The following ACP7 variants were observed in gnomAD, a reference collection of about 807,000 sequenced individuals.
The protein encoded by ACP7 is acid phosphatase 7, tartrate resistant (putative), also known as acid phosphatase type 7.
In ACP7, 58 loss-of-function variants were observed where a neutral mutation model predicts 60.6. That is an observed-to-expected ratio of 0.96 (90% confidence interval 0.77 to 1.19). The LOEUF is 1.19. Ranked by LOEUF, ACP7 falls within the 50% of genes most tolerant of loss-of-function variation. The pLI is 0.00. For synonymous variants in ACP7, 237 were observed against 232.6 expected (o/e 1.02, Z -0.17); for missense variants, 574 against 596.2 (o/e 0.96, Z 0.39).
chr19:39,101,008 G>C lies in ACP7; in HGVS notation c.867G>C (p.Met289Ile). 1 of 1,613,914 alleles carries C rather than the reference G, an allele frequency of 6.2e-7. No individual in the cohort carries two copies. Among genetic ancestry groups the C allele is most frequent in the Non-Finnish European group, 8.5e-7 (1 of 1,180,004 alleles). ...TCATCACTATGGGGCACCGGCCCAT[G>C]TACTGCTCCAACGCAGATCTGGACG... Reference protein sequence around the residue: ...PWIITMGHRPMYCSNADLDDC... With the variant: ...PWIITMGHRPIYCSNADLDDC... The change falls in exon 8 of 13, where the codon ATG becomes ATC. Residue 289 changes from methionine (M) to isoleucine (I), a missense_variant. Coordinates refer to ENST00000331256, the MANE Select transcript of ACP7 (RefSeq NM_001004318.3).
chr19:39,085,505 C>T, intron 2 of ACP7, 115 bp downstream of exon 2: 1 of 1,339,066 alleles, frequency 7.5e-7, no homozygotes, highest in Non-Finnish European at 1.0e-6. Context: ...CTCATTCCTC[C>T]TGAGCCTCCA....
At chr19:39,102,715 T>TTTCTTTCTTTCCTTCTTTCTTTC (rs1555769414) in intron 11 of ACP7, among the ~76,000 whole-genome samples, 4 of 118,616 alleles carry the variant, frequency 3.4e-5, no homozygotes, top group African/African-American at 1.3e-4. Context: ...CAATGAAGAC[T>TTTCTTTCTTTCCTTCTTTCTTTC]TTTCTTTCTT....
At chr19:39,107,107 T>A (rs1221231700) in intron 12 of ACP7, 23 bp downstream of exon 12, 42 of 1,612,430 alleles carry the variant, frequency 2.6e-5, no homozygotes, top group Non-Finnish European at 3.5e-5. Context: ...CAGGCCGAAG[T>A]CACCTGACTG....
In ACP7 at chr19:39,101,220, C is replaced by G; in HGVS notation, c.973+13C>G. ...TTCTACAAATATGGTGAGCGACCCT[C>G]AGGACCCATGCCCCACACCCCACCT... On this transcript the variant is annotated intron_variant, in intron 9 of 12. Coordinates refer to ENST00000331256, the MANE Select transcript of ACP7 (RefSeq NM_001004318.3). The G allele has an allele frequency of 6.2e-7, 1 of 1,614,204 alleles. No individual in the cohort carries two copies. Among genetic ancestry groups the G allele is most frequent in the South Asian group, 1.1e-5 (1 of 91,088 alleles).
intron 2 of ACP7, among the ~76,000 whole-genome samples, chr19:39,094,990 C>T (rs1036252937): frequency 5.3e-5 from 8 of 152,054 alleles, no homozygotes; most frequent in African/African-American, 1.9e-4. Context: ...CAAGAACTGC[C>T]CCCATGATTC....
At chr19:39,087,134 C>T (rs898990994) in intron 2 of ACP7, among the ~76,000 whole-genome samples, 6 of 151,554 alleles carry the variant, frequency 4.0e-5, no homozygotes, top group Admixed American at 2.0e-4. Flanking sequence ...CTCAGCCTCC[C>T]GAGTAGCTGG....
intron 11 of ACP7, among the ~76,000 whole-genome samples, chr19:39,106,533 TG>T (rs1194635951): frequency 6.6e-6 from 1 of 152,176 alleles, no homozygotes; most frequent in African/African-American, 2.4e-5. Context: ...TTTTTGTTTT[TG>T]TTTTTGTTTG....
chr19:39,086,750 A>G (rs1412959898), intron 2 of ACP7, among the ~76,000 whole-genome samples: 1 of 152,122 alleles, frequency 6.6e-6, no homozygotes, highest in East Asian at 1.9e-4. Flanking sequence ...ACCATTTTAC[A>G]TCACTAAATT....
At position 39,106,872 on chromosome 19, in the gene ACP7, T is replaced by C. The variant is rs571101129; in HGVS notation, c.1114-75T>C. On this transcript the variant is annotated intron_variant, in intron 11 of 12. Transcript: ENST00000331256. ...GTCTTCCTTGAGGGCAGCAGGGTCC[T>C]GGGCTAGCAGGTCATTTCTGCTTCC... 878 of 1,574,078 alleles carry C rather than the reference T, an allele frequency of 5.6e-4. 5 individuals are homozygous for C. In the South Asian group the frequency reaches 9.5e-3, roughly 17 times the overall value.
rs2073416030 is a variant in ACP7, at chr19:39,106,872, TG to T, written c.1114-72del. 2.5e-6 allele frequency: 4 copies of T among 1,574,094 alleles called. No individual in the cohort carries two copies. The East Asian group carries it at 6.8e-5, about 27-fold the overall frequency. ...GTCTTCCTTGAGGGCAGCAGGGTCC[TG>T]GGCTAGCAGGTCATTTCTGCTTCCC... On this transcript the variant is annotated intron_variant, in intron 11 of 12. Coordinates refer to ENST00000331256, the MANE Select transcript of ACP7 (RefSeq NM_001004318.3).
rs561820873 is a variant in ACP7 at position 39,098,853 on chromosome 19, C to A, written c.323-107C>A. On this transcript the variant is annotated intron_variant, in intron 3 of 12. Transcript: ENST00000331256. ...AGACCGAAGGGGCATGGGCCAGCCCCCACCAGTCCCCCCATCTCCTCCCCT... is the reference window on the plus strand; with the variant it reads ...AGACCGAAGGGGCATGGGCCAGCCCACACCAGTCCCCCCATCTCCTCCCCT... The A allele has an allele frequency of 6.5e-5, 96 of 1,484,898 alleles. No individual in the cohort carries two copies. The African/African-American group carries it at 1.1e-3, about 17-fold the overall frequency. The allele number at this position is 1,484,898 out of a possible 1,614,324, so 92.0% of individuals were successfully genotyped here.
At chr19:39,098,756 G>T in intron 3 of ACP7, 98 bp downstream of exon 3, 1 of 1,391,872 alleles carries the variant, frequency 7.2e-7, no homozygotes, top group Non-Finnish European at 9.7e-7. Context: ...GGCTGGGCTG[G>T]TAACTCCACT....
At chr19:39,086,242 C>T (rs1008495871) in intron 2 of ACP7, among the ~76,000 whole-genome samples, 1 of 152,038 alleles carries the variant, frequency 6.6e-6, no homozygotes, top group Non-Finnish European at 1.5e-5. Flanking sequence ...GTGGGAGGAT[C>T]GCTTGAGCCC....
chr19:39,087,670 G>C (rs1337045203), intron 2 of ACP7, among the ~76,000 whole-genome samples: 1 of 142,556 alleles, frequency 7.0e-6, no homozygotes, highest in Non-Finnish European at 1.5e-5. Context: ...GCCTCACTCT[G>C]TTGGCCAGGC....
intron 12 of ACP7, among the ~76,000 whole-genome samples, chr19:39,108,815 C>T (rs2073438480): frequency 6.6e-6 from 1 of 152,022 alleles, no homozygotes; most frequent in African/African-American, 2.4e-5. Context: ...CATTTAGTAG[C>T]ACTTTATTTA....
At chr19:39,091,566 C>T (rs913503427) in intron 2 of ACP7, among the ~76,000 whole-genome samples, 3 of 152,096 alleles carry the variant, frequency 2.0e-5, no homozygotes, top group Admixed American at 2.0e-4. Flanking sequence ...ACAAACACAG[C>T]GAGGCAATAC....
At chr19:39,098,864 C>A in intron 3 of ACP7, 96 bp from the exon 4 acceptor site, 1 of 1,508,948 alleles carries the variant, frequency 6.6e-7, no homozygotes, top group Non-Finnish European at 8.9e-7. Flanking sequence ...CACCAGTCCC[C>A]CCATCTCCTC....
chr19:39,109,351 A>G (rs566815093), intron 12 of ACP7, among the ~76,000 whole-genome samples: 2 of 152,184 alleles, frequency 1.3e-5, no homozygotes, highest in East Asian at 1.9e-4. Flanking sequence ...CTGGGCATCT[A>G]TTACTTTGTG....
intron 2 of ACP7, among the ~76,000 whole-genome samples, chr19:39,093,336 C>G (rs2073232001): frequency 6.6e-6 from 1 of 151,428 alleles, no homozygotes; most frequent in Non-Finnish European, 1.5e-5. Flanking sequence ...CTCACTGCAA[C>G]CTCCGCCTCC....
Sources: gnomAD v4.1 joint callset for allele counts (sites outside exome capture counted in the v4.1 genomes callset) on GRCh38, gnomAD v4.1.1 for gene constraint, MANE v1.5 for transcripts, NCBI Gene and HGNC (gene_info 2026-07-23, HGNC 2026-07-21) for gene names.